Variants in ASH1L observed in about 807,000 individuals in gnomAD.
ASH1L encodes the protein histone-lysine N-methyltransferase ASH1L.
A neutral mutation model predicts 269.0 loss-of-function variants in ASH1L; 23 were observed. That is an observed-to-expected ratio of 0.09 (90% confidence interval 0.06 to 0.12). The LOEUF (loss-of-function observed/expected upper bound fraction) is 0.12, where lower values mean the gene tolerates loss of function less well. Ranked by LOEUF, ASH1L falls within the 10% of genes least tolerant of loss-of-function variation. ASH1L has a pLI of 1.00. For synonymous variants in ASH1L, 1,187 were observed against 1,253.5 expected (o/e 0.95, Z 1.12); for missense variants, 2,912 against 3,567.8 (o/e 0.82, Z 4.68).
At chr1:155,401,615 T>C (rs886095713) in intron 6 of ASH1L, among the ~76,000 whole-genome samples, 3 of 148,964 alleles carry the variant, frequency 2.0e-5, no homozygotes, top group Non-Finnish European at 4.4e-5. Flanking sequence ...GGTGATATCT[T>C]GTCTCTACTA....
chr1:155,347,713 G>A lies in ASH1L; in HGVS notation c.7746C>T (p.Arg2582=). Residue 2582 remains arginine, a synonymous_variant, in exon 20 of 28, where the codon CGC becomes CGT. Transcript: ENST00000392403. ...CATCCTTGTAGAGGCCACAGATACA[G>A]CGAATAACATCGTCGTCCTTCTCAT... ...NGHEKDDDVI[R]CICGLYKDEG... is the part of the protein sequence containing the mutation. The A allele has an allele frequency of 6.2e-7, 1 of 1,614,204 alleles. No homozygotes were observed. The highest frequency in any genetic ancestry group is 8.5e-7 in the Non-Finnish European group (1 of 1,180,050).
Position 155,395,533 on chromosome 1 carries a change from T to C in ASH1L, c.6029A>G (p.Gln2010Arg), listed in dbSNP as rs1265247327. Residue 2010 changes from glutamine (Q) to arginine (R), a missense_variant, in exon 7 of 28, where the codon CAA becomes CGA. By Grantham distance (43) the Gln-to-Arg change is conservative. Transcript: ENST00000392403. ...ATACTCCAGCTTCTCTTTCTTTAAT[T>C]GGATCAATCGACTCTTTGGGCTGTG... ...KTTDPKSRLIQLKKEKLEYTP... is the reference protein window; with the variant it reads ...KTTDPKSRLIRLKKEKLEYTP... 1.9e-6 allele frequency: 3 copies of C among 1,609,858 alleles called. No individual in the cohort carries two copies. The highest frequency in any genetic ancestry group is 2.5e-6 in the Non-Finnish European group (3 of 1,178,820).
intron 2 of ASH1L, among the ~76,000 whole-genome samples, chr1:155,512,090 G>C (rs1052960828): frequency 1.3e-5 from 2 of 152,064 alleles, no homozygotes; most frequent in African/African-American, 4.8e-5. Context: ...GGGATTACAG[G>C]TGTGAGCCAC....
At chr1:155,434,932 C>T (rs890083510) in intron 5 of ASH1L, among the ~76,000 whole-genome samples, 4 of 152,048 alleles carry the variant, frequency 2.6e-5, no homozygotes, top group Admixed American at 6.6e-5. Flanking sequence ...CCAAGGCAGG[C>T]GGATCACTTG....
intron 2 of ASH1L, among the ~76,000 whole-genome samples, chr1:155,512,601 AC>A (rs1668235411): frequency 6.6e-6 from 1 of 151,146 alleles, no homozygotes. Context: ...ATAGGTGCTC[AC>A]CACCACACCC....
intron 10 of ASH1L, among the ~76,000 whole-genome samples, chr1:155,371,211 C>G (rs549622339): frequency 6.6e-6 from 1 of 152,162 alleles, no homozygotes; most frequent in African/African-American, 2.4e-5. Context: ...ATTAAGCTAA[C>G]TGTCCACTCA....
intron 2 of ASH1L, among the ~76,000 whole-genome samples, chr1:155,489,070 T>TTATG (rs1666561112): frequency 6.6e-6 from 1 of 152,220 alleles, no homozygotes; most frequent in African/African-American, 2.4e-5. Context: ...TATGACACCT[T>TTATG]TATGTGTAAA....
intron 3 of ASH1L, 129 bp downstream of exon 3, chr1:155,477,757 A>T: frequency 1.2e-6 from 1 of 865,682 alleles, no homozygotes; most frequent in Non-Finnish European, 1.6e-6. Flanking sequence ...GAATACTGAG[A>T]TTTCAAAATA....
At chr1:155,402,714 T>C (rs543420297) in intron 6 of ASH1L, among the ~76,000 whole-genome samples, 1 of 152,054 alleles carries the variant, frequency 6.6e-6, no homozygotes, top group Non-Finnish European at 1.5e-5. Flanking sequence ...TATGCCTGGA[T>C]AATTATTTAA....
Position 155,562,227 on chromosome 1 carries a change from C to A in ASH1L, c.-174G>T, listed in dbSNP as rs1412864526. On this transcript the variant is annotated 5_prime_UTR_variant, in exon 1 of 28. Coordinates refer to ENST00000392403, the MANE Select transcript of ASH1L (RefSeq NM_018489.3). ...TGGGGAAGAGGGGGTGGCCGCCAGG[C>A]TCCTCCGCTTCCCTGGGTCCACGGC... The A allele has an allele frequency of 7.5e-6, 12 of 1,609,810 alleles. No individual in the cohort carries two copies. The highest frequency in any genetic ancestry group is 1.0e-5 in the Non-Finnish European group (12 of 1,176,644).
intron 6 of ASH1L, among the ~76,000 whole-genome samples, chr1:155,402,301 G>C (rs1177183396): frequency 1.3e-5 from 2 of 151,996 alleles, no homozygotes; most frequent in Non-Finnish European, 2.9e-5. Flanking sequence ...GAAGGGGGAG[G>C]CATCATTTTT....
In ASH1L at chr1:155,562,341, G is replaced by T. The variant is rs572697316; in HGVS notation, c.-288C>A. ...GAGAAGGGAAAGGTGGAAGGCTAAAGGGGGCAAACTGAGGGGAGGCGGGTC... is the reference window on the plus strand; with the variant it reads ...GAGAAGGGAAAGGTGGAAGGCTAAATGGGGCAAACTGAGGGGAGGCGGGTC... On this transcript the variant is annotated 5_prime_UTR_variant, in exon 1 of 28. Coordinates refer to ENST00000392403, the MANE Select transcript of ASH1L (RefSeq NM_018489.3). The T allele has an allele frequency of 2.6e-6, 4 of 1,554,884 alleles. No homozygotes were observed. The South Asian group carries it at 3.4e-5, about 13-fold the overall frequency.
intron 6 of ASH1L, among the ~76,000 whole-genome samples, chr1:155,409,588 T>C (rs1044896829): frequency 6.6e-6 from 1 of 152,190 alleles, no homozygotes; most frequent in African/African-American, 2.4e-5. Context: ...AAGTATCACA[T>C]ATGCAATATT....
intron 12 of ASH1L, among the ~76,000 whole-genome samples, chr1:155,361,553 G>A (rs1287416179): frequency 1.7e-5 from 2 of 120,308 alleles, no homozygotes; most frequent in Non-Finnish European, 3.3e-5. Flanking sequence ...AAAAAAATTA[G>A]CCAGGCATGG....
At chr1:155,416,380 A>C (rs1035676354) in intron 5 of ASH1L, among the ~76,000 whole-genome samples, 4 of 152,090 alleles carry the variant, frequency 2.6e-5, no homozygotes, top group African/African-American at 9.7e-5. Flanking sequence ...TGGCCTCCCA[A>C]GTGCTGGGAT....
rs541459334 is a variant in ASH1L, at chr1:155,488,147, A to C, written c.421-5698T>G. On this transcript the variant is annotated intron_variant, in intron 2 of 27. Transcript: ENST00000392403. ...TGATCCACCCGCCTCAGCCTCCCAA[A>C]GTGCTGGGATTACAGGCATGAGCCA... is the stretch of plus-strand genomic sequence containing the variant. Among the ~76,000 whole-genome samples the C allele has an allele frequency of 4.1e-4, 62 of 151,570 alleles. 1 individual carries two copies. In the South Asian group the frequency reaches 0.012, roughly 30 times the overall value.
rs1659799824 is a variant in ASH1L at position 155,411,591 on chromosome 1, ATATATATATATATAT to A, written c.6008+4138_6008+4152del. Among the ~76,000 whole-genome samples, 25 of 42,872 alleles carry A rather than the reference ATATATATATATATAT, an allele frequency of 5.8e-4. 1 individual carries two copies. Among genetic ancestry groups the A allele is most frequent in the Middle Eastern group, 0.021 (2 of 94 alleles). The allele number at this position is 42,872 out of a possible 152,430, so 28.1% of individuals were successfully genotyped here. A position where few individuals can be genotyped will look rare whatever the true frequency, so the allele number is the denominator to read the frequency against. On this transcript the variant is annotated intron_variant, in intron 6 of 27. Coordinates refer to ENST00000392403, the MANE Select transcript of ASH1L (RefSeq NM_018489.3). Reference sequence around the variant, plus strand: ...TGAATATAAATAAATAAATAAATATATATATATATATATATATATATATATATGTTTTCATCCATG... The same window carrying A: ...TGAATATAAATAAATAAATAAATATAATATATATATATGTTTTCATCCATG...
At chr1:155,490,614 T>TCACACACACACA (rs144278501) in intron 2 of ASH1L, among the ~76,000 whole-genome samples, 2,499 of 142,354 alleles carry the variant, frequency 0.018, 68 homozygotes, top group African/African-American at 0.056. Context: ...CCAGACTACG[T>TCACACACACACA]CACACACACA....
chr1:155,464,025 C>T (rs1664500401), intron 3 of ASH1L, among the ~76,000 whole-genome samples: 1 of 152,148 alleles, frequency 6.6e-6, no homozygotes, highest in Admixed American at 6.5e-5. Context: ...GCAGAGTATG[C>T]CCAAGAGATG....
Sources: allele counts gnomAD v4.1 joint callset (sites outside exome capture counted in the v4.1 genomes callset), GRCh38; gene constraint gnomAD v4.1.1; transcripts MANE v1.5; gene names NCBI Gene and HGNC (gene_info 2026-07-23, HGNC 2026-07-21).